The following SV2C variants were observed in gnomAD, a reference collection of about 807,000 sequenced individuals.
The protein encoded by SV2C is synaptic vesicle glycoprotein 2C.
In SV2C, 49 loss-of-function variants were observed where a neutral mutation model predicts 79.7. The observed-to-expected ratio is 0.61, with a 90% CI of 0.49 to 0.78. SV2C has a LOEUF of 0.78. SV2C is among the 30% of genes least tolerant of loss of function. The pLI is 0.00. For missense variants in SV2C, 833 were observed against 912.9 expected (o/e 0.91, Z 1.13); for synonymous variants, 334 against 333.2 (o/e 1.00, Z -0.03).
intron 1 of SV2C, among the ~76,000 whole-genome samples, chr5:76,123,353 G>C (rs1333243277): frequency 6.6e-6 from 1 of 152,204 alleles, no homozygotes; most frequent in Non-Finnish European, 1.5e-5. Flanking sequence ...TAGAAAAAGA[G>C]GGAATCCTCC....
chr5:75,886,893 G>T, the SV2C span, among the ~76,000 whole-genome samples: 2 of 152,006 alleles, frequency 1.3e-5, no homozygotes, highest in Non-Finnish European at 2.9e-5. Flanking sequence ...AGTTTTCCTG[G>T]AATTGTTCCA....
chr5:76,102,803 G>A (rs75904106), intron 1 of SV2C, among the ~76,000 whole-genome samples: 2,460 of 152,208 alleles, frequency 0.016, 70 homozygotes, highest in African/African-American at 0.055. Flanking sequence ...ATAAATATAC[G>A]TTATTAATCA....
At chr5:76,014,158 AAGGAAGG>A in the SV2C span, among the ~76,000 whole-genome samples, 3 of 103,570 alleles carry the variant, frequency 2.9e-5, no homozygotes, top group African/African-American at 8.6e-5. Context: ...GGAAGGAAAG[AAGGAAGG>A]AAGGAAGAAA....
At chr5:76,307,471 C>G (rs756296414) in intron 12 of SV2C, among the ~76,000 whole-genome samples, 1 of 123,642 alleles carries the variant, frequency 8.1e-6, no homozygotes, top group Non-Finnish European at 1.7e-5. Context: ...TGGCTCTTTT[C>G]AAAGTTCAAT....
At chr5:76,049,023 G>GA in the SV2C span, among the ~76,000 whole-genome samples, 1 of 82,584 alleles carries the variant, frequency 1.2e-5, no homozygotes, top group African/African-American at 4.2e-5. Context: ...AAGAAAGAAA[G>GA]AAAAAGAAAA....
intron 4 of SV2C, among the ~76,000 whole-genome samples, chr5:76,211,493 TGTGTGTA>T: frequency 6.8e-6 from 1 of 145,988 alleles, no homozygotes; most frequent in Non-Finnish European, 1.5e-5. Context: ...TGTGTGTGTG[TGTGTGTA>T]CATGCACACA....
intron 2 of SV2C, among the ~76,000 whole-genome samples, chr5:76,135,980 G>A (rs1749056141): frequency 6.6e-6 from 1 of 152,194 alleles, no homozygotes; most frequent in Admixed American, 6.5e-5. Flanking sequence ...CCACTCACTG[G>A]CTTATTTCCT....
chr5:76,285,031 C>T (rs991648330), intron 4 of SV2C, 131 bp from the exon 5 acceptor site: 1 of 1,307,456 alleles, frequency 7.6e-7, no homozygotes, highest in Non-Finnish European at 1.1e-6. Flanking sequence ...TGGATGATGC[C>T]CAGATCAGCT....
rs1165817527 is a variant in SV2C at position 76,325,583 on chromosome 5, C to T, written c.*36C>T. 1 of 1,609,156 alleles carries T rather than the reference C, an allele frequency of 6.2e-7. No individual in the cohort carries two copies. The highest frequency in any genetic ancestry group is 1.7e-5 in the Admixed American group (1 of 59,618). Reference sequence around the variant, plus strand: ...AGCCATCCTTCCTGCGTTTCTTCCTCCTGCCCTGGGTCAATTCTCCTTCCT... The same window carrying T: ...AGCCATCCTTCCTGCGTTTCTTCCTTCTGCCCTGGGTCAATTCTCCTTCCT... On this transcript the variant is annotated 3_prime_UTR_variant, in exon 13 of 13. Coordinates refer to ENST00000502798, the MANE Select transcript of SV2C (RefSeq NM_014979.4).
intron 2 of SV2C, among the ~76,000 whole-genome samples, chr5:76,155,635 C>T (rs193071831): frequency 2.2e-4 from 33 of 152,224 alleles, no homozygotes; most frequent in South Asian, 4.2e-4. Context: ...TTGAATGTGG[C>T]GTGCTGAGAA....
intron 1 of SV2C, among the ~76,000 whole-genome samples, chr5:76,084,919 G>A (rs1160907970): frequency 6.6e-6 from 1 of 151,988 alleles, no homozygotes; most frequent in African/African-American, 2.4e-5. Context: ...CCGCAGTGCC[G>A]GGAAGGAGCC....
chr5:76,246,647 TCACACA>T (rs1745955897), intron 4 of SV2C, among the ~76,000 whole-genome samples: 1 of 151,512 alleles, frequency 6.6e-6, no homozygotes, highest in Admixed American at 6.6e-5. Flanking sequence ...ACACTCACAC[TCACACA>T]CACAGCAGAA....
chr5:76,023,527 T>C, the SV2C span, among the ~76,000 whole-genome samples: 1 of 152,090 alleles, frequency 6.6e-6, no homozygotes, highest in East Asian at 1.9e-4. Context: ...ATGATGTGTG[T>C]GTGTGTTGGG....
At chr5:76,032,135 TCAAAGAA>T in the SV2C span, among the ~76,000 whole-genome samples, 1 of 152,192 alleles carries the variant, frequency 6.6e-6, no homozygotes, top group East Asian at 1.9e-4. Context: ...TAATGAATAT[TCAAAGAA>T]CAGAGTTACT....
chr5:76,093,748 T>C (rs1747454334), intron 1 of SV2C, among the ~76,000 whole-genome samples: 1 of 152,238 alleles, frequency 6.6e-6, no homozygotes, highest in South Asian at 2.1e-4. Flanking sequence ...GTACTAAATA[T>C]TCTGAATTCT....
At chr5:76,337,937 A>G (rs1356141862), downstream of SV2C, among the ~76,000 whole-genome samples, 3 of 152,170 alleles carry the variant, frequency 2.0e-5, no homozygotes, top group African/African-American at 7.2e-5. Context: ...GCCTGTCCCC[A>G]GGGGAAGCTT....
At position 76,258,057 on chromosome 5, in the gene SV2C, T is replaced by C. The variant is rs907651879; in HGVS notation, c.914-27105T>C. Among the ~76,000 whole-genome samples, 5 of 147,416 alleles carry C rather than the reference T, an allele frequency of 3.4e-5. No individual in the cohort carries two copies. In the Middle Eastern group the frequency reaches 0.014, roughly 407 times the overall value. On this transcript the variant is annotated intron_variant, in intron 4 of 12. Transcript: ENST00000502798. ...TGTGTGGTGTATGGTATATGATATA[T>C]GTGTTTATGTAGTATGGGGGGTGTG... is the stretch of plus-strand genomic sequence containing the variant.
intron 2 of SV2C, among the ~76,000 whole-genome samples, chr5:76,172,462 G>A (rs1743336394): frequency 1.1e-5 from 1 of 88,990 alleles, no homozygotes; most frequent in African/African-American, 4.7e-5. Flanking sequence ...GCCCTGTCCG[G>A]GAGGTGAGGG....
At chr5:75,921,278 C>A in the SV2C span, 4 of 1,481,496 alleles carry the variant, frequency 2.7e-6, no homozygotes, top group African/African-American at 5.6e-5. Flanking sequence ...CAGGTCCTTG[C>A]CATCCCACTT....
Sources: gnomAD v4.1 joint callset for allele counts (sites outside exome capture counted in the v4.1 genomes callset) on GRCh38, gnomAD v4.1.1 for gene constraint, MANE v1.5 for transcripts, NCBI Gene and HGNC (gene_info 2026-07-23, HGNC 2026-07-21) for gene names.